Variants in XPR1 observed in about 807,000 individuals in gnomAD.
The protein encoded by XPR1 is xenotropic and polytropic retrovirus receptor 1.
Under a neutral mutation model 87.5 loss-of-function variants are expected in XPR1, and 28 were observed. The ratio of observed to expected loss-of-function variants is 0.32; its 90% confidence interval spans 0.24 to 0.44. XPR1 has a LOEUF of 0.44. Ranked by LOEUF, XPR1 falls within the 20% of genes least tolerant of loss-of-function variation. The probability of loss-of-function intolerance (pLI) is 1.00; values close to 1 mark genes in which losing one functional copy is unlikely to be tolerated. For missense variants in XPR1, 559 were observed against 862.3 expected (o/e 0.65, Z 4.41); for synonymous variants, 300 against 306.1 (o/e 0.98, Z 0.21).
chr1:180,813,851 T>TA (rs1650310511), intron 7 of XPR1, among the ~76,000 whole-genome samples: 1 of 152,318 alleles, frequency 6.6e-6, no homozygotes, highest in East Asian at 1.9e-4. Context: ...AAGTTGCCAT[T>TA]ACTTTTAATG....
Position 180,808,506 on chromosome 1 carries a change from TGAAAA to T in XPR1, c.681+1956_681+1960del, listed in dbSNP as rs146695785. Among the ~76,000 whole-genome samples, 1,234 of 152,006 alleles carry T rather than the reference TGAAAA, an allele frequency of 8.1e-3. 14 individuals are homozygous for T. Among genetic ancestry groups the T allele is most frequent in the African/African-American group, 0.027 (1,128 of 41,480 alleles). On this transcript the variant is annotated intron_variant, in intron 6 of 14. Coordinates refer to ENST00000367590, the MANE Select transcript of XPR1 (RefSeq NM_004736.4). ...CTCTTCAAAAGACATATTAAGAGAA[TGAAAA>T]GAAAAGCAAGAGACTAGCAGAAAAT...
At chr1:180,882,382 C>A (rs1370577752) in intron 14 of XPR1, among the ~76,000 whole-genome samples, 1 of 152,132 alleles carries the variant, frequency 6.6e-6, no homozygotes, top group Non-Finnish European at 1.5e-5. Context: ...GAAACAGTAT[C>A]TCGCTCCGTT....
Position 180,834,966 on chromosome 1 carries a change from C to A in XPR1, c.1227C>A (p.Asp409Glu). 6.2e-7 allele frequency: 1 copy of A among 1,613,924 alleles called. No homozygotes were observed. The highest frequency in any genetic ancestry group is 8.5e-7 in the Non-Finnish European group (1 of 1,179,990). The change falls in exon 10 of 15, where the codon GAC (aspartate) becomes GAA (glutamate). Residue 409 changes from aspartate to glutamate, a missense_variant. By Grantham distance (45) the Asp-to-Glu change is conservative (BLOSUM62 2). Transcript: ENST00000367590. ...QLNSLSVILM[D>E]LEYMICFYSL... ...ACAGCCTGTCAGTGATACTGATGGACCTGGAATATATGATCTGCTTCTACA... is the reference window on the plus strand; with the variant it reads ...ACAGCCTGTCAGTGATACTGATGGAACTGGAATATATGATCTGCTTCTACA...
At chr1:180,749,658 C>CACACACACAT (rs1254332883) in intron 2 of XPR1, among the ~76,000 whole-genome samples, 1 of 151,620 alleles carries the variant, frequency 6.6e-6, no homozygotes, top group Non-Finnish European at 1.5e-5. Flanking sequence ...CACACACACA[C>CACACACACAT]ACACACACAC....
chr1:180,740,325 C>T (rs77821851), intron 2 of XPR1, among the ~76,000 whole-genome samples: 2,100 of 152,020 alleles, frequency 0.014, 23 homozygotes, highest in Admixed American at 0.024. Context: ...TTTATCAAGT[C>T]GGGGAACTTT....
At chr1:180,719,133 A>G (rs1557972905) in intron 2 of XPR1, among the ~76,000 whole-genome samples, 1 of 152,250 alleles carries the variant, frequency 6.6e-6, no homozygotes, top group East Asian at 1.9e-4. Flanking sequence ...TTTGTAAAAT[A>G]CATAGAAAAC....
chr1:180,747,396 C>A (rs1274230889), intron 2 of XPR1, among the ~76,000 whole-genome samples: 1 of 152,102 alleles, frequency 6.6e-6, no homozygotes, highest in Non-Finnish European at 1.5e-5. Context: ...CATTTAGTTG[C>A]TAATACATTG....
At chr1:180,837,532 G>A (rs922388183) in intron 11 of XPR1, among the ~76,000 whole-genome samples, 1 of 151,950 alleles carries the variant, frequency 6.6e-6, no homozygotes, top group African/African-American at 2.4e-5. Context: ...CAAAATTGCT[G>A]TCAATCTAAA....
At chr1:180,687,085 A>G in intron 2 of XPR1, among the ~76,000 whole-genome samples, 1 of 152,134 alleles carries the variant, frequency 6.6e-6, no homozygotes, top group South Asian at 2.1e-4. Context: ...TCCTTTAACT[A>G]TTTTTAAAAT....
intron 2 of XPR1, among the ~76,000 whole-genome samples, chr1:180,719,997 A>T (rs1160149424): frequency 6.6e-6 from 1 of 152,158 alleles, no homozygotes; most frequent in African/African-American, 2.4e-5. Flanking sequence ...ATGAATATTG[A>T]TGTGTTTTAG....
intron 1 of XPR1, among the ~76,000 whole-genome samples, chr1:180,638,565 G>A (rs1023918860): frequency 1.3e-5 from 2 of 152,000 alleles, no homozygotes; most frequent in Admixed American, 6.6e-5. Flanking sequence ...CAAATCATTC[G>A]TTCATTCCAC....
chr1:180,873,757 G>T (rs776090601), intron 12 of XPR1, 46 bp from the exon 13 acceptor site: 11 of 1,599,078 alleles, frequency 6.9e-6, no homozygotes, highest in Admixed American at 3.4e-5. Context: ...GCCTATTTAT[G>T]AGAAATGTGA....
chr1:180,883,125 G>GCT (rs1652895525), intron 14 of XPR1, among the ~76,000 whole-genome samples: 1 of 79,146 alleles, frequency 1.3e-5, no homozygotes, highest in Non-Finnish European at 2.9e-5. Context: ...ATCATACCTG[G>GCT]CTTTTTTTTT....
At chr1:180,714,391 CT>C (rs1657914661) in intron 2 of XPR1, among the ~76,000 whole-genome samples, 1 of 143,494 alleles carries the variant, frequency 7.0e-6, no homozygotes, top group Admixed American at 6.9e-5. Context: ...CTCTCTCTCT[CT>C]CTCTCTCTCT....
chr1:180,738,692 G>T (rs558696714), intron 2 of XPR1, among the ~76,000 whole-genome samples: 9 of 152,034 alleles, frequency 5.9e-5, no homozygotes, highest in African/African-American at 2.2e-4. Context: ...TTTGCCATTA[G>T]TATTTCCCAG....
chr1:180,854,796 T>A lies in XPR1; in HGVS notation c.1502-8912T>A, dbSNP rs530831346. On this transcript the variant is annotated intron_variant, in intron 11 of 14. Coordinates refer to ENST00000367590, the MANE Select transcript of XPR1 (RefSeq NM_004736.4). ...GGAGGTGTGACTGACCTCCTGCCTT[T>A]GTCAAAGCCTTAGAATCTGGTTTTA... is the stretch of plus-strand genomic sequence containing the variant. Among the ~76,000 whole-genome samples, 130 of 152,332 alleles carry A rather than the reference T, an allele frequency of 8.5e-4. 1 individual carries two copies. In the South Asian group the frequency reaches 0.01, roughly 12 times the overall value.
intron 14 of XPR1, among the ~76,000 whole-genome samples, chr1:180,881,026 A>G (rs935660133): frequency 6.6e-6 from 1 of 152,210 alleles, no homozygotes; most frequent in Non-Finnish European, 1.5e-5. Flanking sequence ...ACAGTAAAGA[A>G]CATAAAGGTA....
intron 1 of XPR1, among the ~76,000 whole-genome samples, chr1:180,649,468 C>T (rs916473695): frequency 6.6e-6 from 1 of 151,864 alleles, no homozygotes; most frequent in African/African-American, 2.4e-5. Context: ...ATTAAAGATG[C>T]GTAACTAAAT....
intron 2 of XPR1, among the ~76,000 whole-genome samples, chr1:180,770,838 T>C (rs1320736278): frequency 1.1e-4 from 16 of 152,212 alleles, no homozygotes; most frequent in Non-Finnish European, 7.4e-5. Context: ...TGTTAATCAC[T>C]GTTGGTTTTC....
Sources: allele counts gnomAD v4.1 joint callset (sites outside exome capture counted in the v4.1 genomes callset), GRCh38; gene constraint gnomAD v4.1.1; transcripts MANE v1.5; gene names NCBI Gene and HGNC (gene_info 2026-07-23, HGNC 2026-07-21).